The following SP1 variants were observed in gnomAD, a reference collection of about 807,000 sequenced individuals.
SP1 encodes transcription factor Sp1.
Under a neutral mutation model 66.3 loss-of-function variants are expected in SP1, and 6 were observed. That is an observed-to-expected ratio of 0.09 (90% CI 0.05 to 0.18). The LOEUF is 0.18. SP1 is among the 10% of genes least tolerant of loss of function. SP1 has a pLI of 1.00. For missense variants in SP1, 848 were observed against 964.5 expected (o/e 0.88, Z 1.60); for synonymous variants, 417 against 360.8 (o/e 1.16, Z -1.77).
chr12:53,391,053 G>A (rs1278184389), intron 3 of SP1, among the ~76,000 whole-genome samples: 1 of 152,026 alleles, frequency 6.6e-6, no homozygotes, highest in African/African-American at 2.4e-5. Context: ...TGCTTTTTAA[G>A]TTACTTTTTG....
intron 3 of SP1, among the ~76,000 whole-genome samples, chr12:53,399,488 C>T (rs577258443): frequency 1.3e-3 from 194 of 152,254 alleles, no homozygotes; most frequent in Non-Finnish European, 2.3e-3. Flanking sequence ...CCCGCCACCA[C>T]ATCTGGCTAA....
chr12:53,380,761 C>T (rs1471849070), intron 1 of SP1: 5 of 625,880 alleles, frequency 8.0e-6, no homozygotes, highest in Non-Finnish European at 9.9e-6. Flanking sequence ...ACCGTCCCGC[C>T]CTTTCCACGC....
intron 3 of SP1, among the ~76,000 whole-genome samples, chr12:53,384,278 TTTTTTTC>T (rs1376442387): frequency 3.4e-5 from 5 of 146,476 alleles, no homozygotes; most frequent in South Asian, 2.2e-4. Flanking sequence ...TTTCTTTTCT[TTTTTTTC>T]TTTTTTCTTT....
intron 3 of SP1, among the ~76,000 whole-genome samples, chr12:53,393,620 G>A (rs1429396011): frequency 2.7e-5 from 4 of 147,696 alleles, no homozygotes; most frequent in Admixed American, 1.4e-4. Context: ...ATTTTGAGAC[G>A]GAATTCTCCT....
At chr12:53,393,894 G>A (rs1938410351) in intron 3 of SP1, among the ~76,000 whole-genome samples, 1 of 151,778 alleles carries the variant, frequency 6.6e-6, no homozygotes, top group Non-Finnish European at 1.5e-5. Context: ...GTGAGCCACT[G>A]TGCCCAGCCT....
chr12:53,389,998 T>G (rs960417552), intron 3 of SP1, among the ~76,000 whole-genome samples: 1 of 152,202 alleles, frequency 6.6e-6, no homozygotes, highest in Non-Finnish European at 1.5e-5. Context: ...AAGTTGAATG[T>G]GATACCAGGG....
At chr12:53,392,179 A>C (rs1015664310) in intron 3 of SP1, among the ~76,000 whole-genome samples, 4 of 152,020 alleles carry the variant, frequency 2.6e-5, no homozygotes, top group Non-Finnish European at 5.9e-5. Flanking sequence ...ACTTAGAAGA[A>C]GGAGTTTTTT....
rs776678864 is a variant in SP1, at chr12:53,382,581, C to G, written c.634C>G (p.Gln212Glu). ...GQIQIIPGAN[Q>E]QIITNRGSGG... ...AATACAGATCATACCAGGTGCAAAC[C>G]AACAGATTATCACAAATCGAGGAAG... The change falls in exon 3 of 6, where the codon CAA (glutamine) becomes GAA (glutamate). Residue 212 changes from glutamine to glutamate, a missense_variant. This residue lies in a region of SP1 where 606 missense variants were observed against 589.9 expected (regional missense o/e 1.03). Transcript: ENST00000327443. 1.9e-6 allele frequency: 3 copies of G among 1,614,122 alleles called. No homozygotes were observed. The highest frequency in any genetic ancestry group is 2.5e-6 in the Non-Finnish European group (3 of 1,180,018).
intron 3 of SP1, among the ~76,000 whole-genome samples, chr12:53,398,699 TAC>T (rs1311566697): frequency 1.3e-5 from 2 of 152,198 alleles, no homozygotes; most frequent in South Asian, 2.1e-4. Context: ...TGATGCAAAT[TAC>T]AGTTTCAGTG....
chr12:53,386,562 G>A (rs1469525566), intron 3 of SP1, among the ~76,000 whole-genome samples: 1 of 136,902 alleles, frequency 7.3e-6, no homozygotes, highest in Non-Finnish European at 1.5e-5. Flanking sequence ...TGCAATCTCC[G>A]CTCACTGCAA....
At chr12:53,404,686 G>T (rs1029968251) in intron 3 of SP1, among the ~76,000 whole-genome samples, 1 of 151,818 alleles carries the variant, frequency 6.6e-6, no homozygotes. Context: ...ATATTTTTTT[G>T]AGTTGGAATC....
At chr12:53,395,690 G>A (rs775446874) in intron 3 of SP1, among the ~76,000 whole-genome samples, 1 of 151,864 alleles carries the variant, frequency 6.6e-6, no homozygotes. Context: ...CTGCTAGGCC[G>A]GGCACAGTGG....
At chr12:53,399,669 T>G (rs184740251) in intron 3 of SP1, among the ~76,000 whole-genome samples, 529 of 137,800 alleles carry the variant, frequency 3.8e-3, no homozygotes, top group Admixed American at 8.1e-3. Flanking sequence ...GGAGTTTCAC[T>G]CTTGTTGCCC....
chr12:53,380,285 T>C lies in SP1; in HGVS notation c.-7T>C. The C allele has an allele frequency of 7.7e-7, 1 of 1,297,218 alleles. No individual in the cohort carries two copies. The highest frequency in any genetic ancestry group is 1.1e-6 in the Non-Finnish European group (1 of 945,080). The allele number at this position is 1,297,218 out of a possible 1,614,324, so 80.4% of individuals were successfully genotyped here. A position where few individuals can be genotyped will look rare whatever the true frequency, so the allele number is the denominator to read the frequency against. ...GACCCCCTTGAGCTTGTCCCTCAGC[T>C]GCCACCATGAGCGGTAAGGATGAGT... On this transcript the variant is annotated 5_prime_UTR_variant, in exon 1 of 6. Coordinates refer to ENST00000327443, the MANE Select transcript of SP1 (RefSeq NM_138473.3).
At chr12:53,403,502 G>A (rs951545386) in intron 3 of SP1, among the ~76,000 whole-genome samples, 1 of 147,512 alleles carries the variant, frequency 6.8e-6, no homozygotes, top group African/African-American at 2.5e-5. Flanking sequence ...CCAGGCACAC[G>A]CCACCATGCC....
chr12:53,396,291 CA>C (rs1455058190), intron 3 of SP1, among the ~76,000 whole-genome samples: 1 of 147,690 alleles, frequency 6.8e-6, no homozygotes, highest in Non-Finnish European at 1.5e-5. Flanking sequence ...AAAAAAAAGC[CA>C]GGGGCGGTGG....
rs1304791881 is a variant in SP1, at chr12:53,411,257, C to T, written c.*17C>T. On this transcript the variant is annotated 3_prime_UTR_variant, in exon 6 of 6. Coordinates refer to ENST00000327443, the MANE Select transcript of SP1 (RefSeq NM_138473.3). ...GGCTTCTGAGATCAGGCACCCGGGGCCAGAGACATATGGGCCATACCCCTT... is the reference window on the plus strand; with the variant it reads ...GGCTTCTGAGATCAGGCACCCGGGGTCAGAGACATATGGGCCATACCCCTT... 1.9e-6 allele frequency: 3 copies of T among 1,598,338 alleles called. No homozygotes were observed. In the Admixed American group the frequency reaches 5.1e-5, roughly 27 times the overall value.
At chr12:53,408,566 G>A (rs976797858) in intron 4 of SP1, among the ~76,000 whole-genome samples, 1 of 151,222 alleles carries the variant, frequency 6.6e-6, no homozygotes, top group African/African-American at 2.4e-5. Context: ...AAAGTGTTGG[G>A]ATTACAGGCG....
chr12:53,406,620 G>T lies in SP1; in HGVS notation c.1711G>T (p.Gly571Cys), dbSNP rs144338723. The T allele has an allele frequency of 2.0e-5, 33 of 1,613,870 alleles. No homozygotes were observed. The highest frequency in any genetic ancestry group is 2.5e-5 in the Non-Finnish European group (30 of 1,179,974). The change falls in exon 4 of 6, where the codon GGT (glycine) becomes TGT (cysteine). Residue 571 changes from glycine to cysteine, a missense_variant. Coordinates refer to ENST00000327443, the MANE Select transcript of SP1 (RefSeq NM_138473.3). ...AGCTCAGCTTGGTCTCCATGGGGCT[G>T]GTGGTGATGGAATACATGATGACAC... ...HGAQLGLHGA[G>C]GDGIHDDTAG...
Sources: gnomAD v4.1 joint callset for allele counts (sites outside exome capture counted in the v4.1 genomes callset) on GRCh38, gnomAD v4.1.1 for gene constraint, gnomAD v4.1.1 regional missense constraint, MANE v1.5 for transcripts, NCBI Gene and HGNC (gene_info 2026-07-23, HGNC 2026-07-21) for gene names.